SDK1: variants seen among roughly 807,000 people sequenced by gnomAD.
SDK1 encodes the protein sidekick cell adhesion molecule 1.
A neutral mutation model predicts 245.5 loss-of-function variants in SDK1; 157 were observed. The ratio of observed to expected loss-of-function variants is 0.64; its 90% CI spans 0.56 to 0.73. SDK1 has a LOEUF of 0.73. Among genes scored for constraint, SDK1 ranks in the 30% least tolerant of loss-of-function variants. The probability of loss-of-function intolerance (pLI) is 0.00; values close to 1 mark genes in which losing one functional copy is unlikely to be tolerated. For synonymous variants in SDK1, 1,647 were observed against 1,278.5 expected (o/e 1.29, Z -6.15); for missense variants, 3,583 against 3,002.3 (o/e 1.19, Z -4.52).
intron 4 of SDK1, among the ~76,000 whole-genome samples, chr7:3,696,001 G>A (rs149694791): frequency 5.5e-4 from 84 of 152,098 alleles, no homozygotes; most frequent in African/African-American, 1.9e-3. Context: ...TCCTCCCACC[G>A]TTCTTCCCTG....
At chr7:3,766,327 G>A (rs929725502) in intron 4 of SDK1, among the ~76,000 whole-genome samples, 3 of 152,116 alleles carry the variant, frequency 2.0e-5, no homozygotes, top group East Asian at 3.8e-4. Context: ...TGATCCAAAC[G>A]TTATTAATTG....
At chr7:3,458,443 A>C (rs1251931340) in intron 1 of SDK1, among the ~76,000 whole-genome samples, 1 of 151,922 alleles carries the variant, frequency 6.6e-6, no homozygotes. Context: ...TGTGGCTGTT[A>C]AGTCTCCTGG....
intron 36 of SDK1, among the ~76,000 whole-genome samples, chr7:4,207,743 C>G (rs1346805991): frequency 1.3e-5 from 2 of 152,116 alleles, no homozygotes; most frequent in Non-Finnish European, 2.9e-5. Context: ...ACCAACAGAG[C>G]TAGGTCTGCA....
intron 22 of SDK1, among the ~76,000 whole-genome samples, chr7:4,094,034 A>G (rs903619395): frequency 1.3e-5 from 2 of 152,100 alleles, no homozygotes; most frequent in Non-Finnish European, 2.9e-5. Flanking sequence ...CTTTTTGCCT[A>G]AACGGCCAGG....
chr7:3,450,685 G>A (rs1460363130), intron 1 of SDK1, among the ~76,000 whole-genome samples: 3 of 152,156 alleles, frequency 2.0e-5, no homozygotes, highest in African/African-American at 7.2e-5. Context: ...TTTATTGGTT[G>A]GCTGAATAGA....
At chr7:3,912,698 T>G (rs1401073444) in intron 5 of SDK1, among the ~76,000 whole-genome samples, 1 of 152,228 alleles carries the variant, frequency 6.6e-6, no homozygotes, top group African/African-American at 2.4e-5. Context: ...ATGCATTTAC[T>G]TATCATTCTC....
intron 28 of SDK1, 31 bp downstream of exon 28, chr7:4,132,454 G>T: frequency 1.3e-6 from 2 of 1,501,154 alleles, no homozygotes; most frequent in Non-Finnish European, 1.8e-6. Flanking sequence ...GGGCGTGGTG[G>T]CTCAGGCCTG....
Position 4,232,042 on chromosome 7 carries a change from C to CTTT in SDK1, c.5828-1194_5828-1192dup, listed in dbSNP as rs58243380. ...ATGAACATTTTGGCCTCTGAGCCTA[C>CTTT]TTTTTTTTTTTTTTTTTTTTTAACC... On this transcript the variant is annotated intron_variant, in intron 40 of 44. Coordinates refer to ENST00000404826, the MANE Select transcript of SDK1 (RefSeq NM_152744.4). Among the ~76,000 whole-genome samples the CTTT allele has an allele frequency of 1.9e-3, 245 of 131,822 alleles. 1 individual carries two copies. The highest frequency in any genetic ancestry group is 3.2e-3 in the Non-Finnish European group (202 of 62,424). The allele number at this position is 131,822 out of a possible 152,430, so 86.5% of individuals were successfully genotyped here. A position where few individuals can be genotyped will look rare whatever the true frequency, so the allele number is the denominator to read the frequency against.
rs144696000 is a variant in SDK1, at chr7:3,856,948, G to A, written c.847+35365G>A. Among the ~76,000 whole-genome samples the A allele has an allele frequency of 1.6e-4, 24 of 152,056 alleles. 1 individual carries two copies. In the East Asian group the frequency reaches 4.4e-3, roughly 28 times the overall value. ...AAACAGTGTTAAAAGGGACAAAGAG[G>A]GATATTTCCTGCTGAAAAGGAAGGC... On this transcript the variant is annotated intron_variant, in intron 5 of 44. Coordinates refer to ENST00000404826, the MANE Select transcript of SDK1 (RefSeq NM_152744.4).
intron 1 of SDK1, among the ~76,000 whole-genome samples, chr7:3,398,068 TTGTAGGTTTAACGTTTTCTATAAC>T (rs1304794880): frequency 1.6e-4 from 25 of 152,164 alleles, no homozygotes; most frequent in African/African-American, 5.8e-4. Context: ...TTTATCTGGC[TTGTAGGTTTAACGTTTTCTATAAC>T]TGTAGGTTTA....
chr7:4,009,690 C>T (rs1482808344), intron 14 of SDK1, among the ~76,000 whole-genome samples: 4 of 152,232 alleles, frequency 2.6e-5, no homozygotes, highest in African/African-American at 7.2e-5. Flanking sequence ...CCATCTTCAT[C>T]GCCAACTGGC....
At position 4,119,274 on chromosome 7, in the gene SDK1, C is replaced by G. The variant is rs532509323; in HGVS notation, c.3823+5000C>G. On this transcript the variant is annotated intron_variant, in intron 25 of 44. Coordinates refer to ENST00000404826, the MANE Select transcript of SDK1 (RefSeq NM_152744.4). ...CCTGGGCAACATAGCAAGACCCCATCTCTACAAAATAAAAATAAAAACTAT... is the reference window on the plus strand; with the variant it reads ...CCTGGGCAACATAGCAAGACCCCATGTCTACAAAATAAAAATAAAAACTAT... Among the ~76,000 whole-genome samples, 4 of 148,046 alleles carry G rather than the reference C, an allele frequency of 2.7e-5. 1 individual carries two copies. In the South Asian group the frequency reaches 9.0e-4, roughly 33 times the overall value.
At chr7:4,139,525 A>ATG (rs367735066) in intron 28 of SDK1, among the ~76,000 whole-genome samples, 3,189 of 11,724 alleles carry the variant, frequency 0.27, 639 homozygotes, top group African/African-American at 0.45. Flanking sequence ...ATGTGTGTGT[A>ATG]TGTGTGTGTG....
intron 27 of SDK1, 35 bp from the exon 28 acceptor site, chr7:4,132,290 C>T: frequency 1.3e-6 from 2 of 1,543,176 alleles, no homozygotes; most frequent in Non-Finnish European, 1.8e-6. Flanking sequence ...GGAACACTGT[C>T]TTGAGATCTG....
chr7:3,692,186 G>C (rs533427022), intron 4 of SDK1, among the ~76,000 whole-genome samples: 4 of 151,980 alleles, frequency 2.6e-5, no homozygotes, highest in African/African-American at 9.7e-5. Context: ...ATAATTTCAA[G>C]TTTCCATTTT....
At chr7:4,038,636 G>C (rs1003768770) in intron 17 of SDK1, among the ~76,000 whole-genome samples, 7 of 152,246 alleles carry the variant, frequency 4.6e-5, no homozygotes, top group African/African-American at 1.7e-4. Flanking sequence ...GTTGCTGACA[G>C]TTTCTAATGC....
At position 4,049,578 on chromosome 7, in the gene SDK1, G is replaced by A. The variant is rs1789288615; in HGVS notation, c.2718+115G>A. On this transcript the variant is annotated intron_variant, in intron 18 of 44. Coordinates refer to ENST00000404826, the MANE Select transcript of SDK1 (RefSeq NM_152744.4). ...AAGAGCTGGTTGCATTAAGATACAG[G>A]GCGTCTTGACCTTGGTGAGACCACC... is the stretch of plus-strand genomic sequence containing the variant. The A allele has an allele frequency of 3.9e-6, 3 of 764,808 alleles. 1 individual carries two copies. Among genetic ancestry groups the A allele is most frequent in the South Asian group, 3.2e-5 (2 of 62,746 alleles). The allele number at this position is 764,808 out of a possible 1,614,324, so 47.4% of individuals were successfully genotyped here. A position where few individuals can be genotyped will look rare whatever the true frequency, so the allele number is the denominator to read the frequency against.
intron 32 of SDK1, among the ~76,000 whole-genome samples, chr7:4,169,913 C>G (rs888647320): frequency 1.3e-5 from 2 of 152,044 alleles, no homozygotes; most frequent in African/African-American, 4.8e-5. Flanking sequence ...TTAGGGTCAG[C>G]AGAATGACCA....
At chr7:3,765,192 T>C (rs933772105) in intron 4 of SDK1, among the ~76,000 whole-genome samples, 5 of 152,112 alleles carry the variant, frequency 3.3e-5, no homozygotes, top group African/African-American at 1.2e-4. Context: ...TAAAAAAAAA[T>C]CTAGTGCTTA....
Sources: allele counts gnomAD v4.1 joint callset (sites outside exome capture counted in the v4.1 genomes callset), GRCh38; gene constraint gnomAD v4.1.1; transcripts MANE v1.5; gene names NCBI Gene and HGNC (gene_info 2026-07-23, HGNC 2026-07-21).